Variants in RYK observed in about 807,000 individuals in gnomAD.
RYK encodes the protein inactive tyrosine-protein kinase RYK.
In RYK, 21 loss-of-function variants were observed where a neutral mutation model predicts 70.2. The ratio of observed to expected loss-of-function variants is 0.30; its 90% CI spans 0.21 to 0.43. The LOEUF (loss-of-function observed/expected upper bound fraction) is 0.43. Among genes scored for constraint, RYK ranks in the 20% least tolerant of loss-of-function variants. The pLI is 1.00. For synonymous variants in RYK, 267 were observed against 278.0 expected (o/e 0.96, Z 0.39); for missense variants, 604 against 753.3 (o/e 0.80, Z 2.32).
chr3:134,192,915 AG>A (rs922525215), intron 7 of RYK, among the ~76,000 whole-genome samples: 1 of 152,154 alleles, frequency 6.6e-6, no homozygotes, highest in African/African-American at 2.4e-5. Flanking sequence ...TTCTACCTGG[AG>A]TTCTCTTAGT....
intron 14 of RYK, 52 bp downstream of exon 14, chr3:134,159,185 C>A: frequency 6.3e-7 from 1 of 1,586,334 alleles, no homozygotes; most frequent in South Asian, 1.1e-5. Context: ...TTCCTTTATT[C>A]CAATATAGTA....
intron 8 of RYK, 47 bp downstream of exon 8, chr3:134,191,802 G>GT: frequency 6.7e-7 from 1 of 1,500,684 alleles, no homozygotes; most frequent in Non-Finnish European, 9.0e-7. Context: ...GTCTATAGTG[G>GT]TAACATTAAA....
chr3:134,250,304 C>A (rs1393297915), intron 1 of RYK, 119 bp downstream of exon 1: 4 of 436,512 alleles, frequency 9.2e-6, no homozygotes, highest in Non-Finnish European at 1.1e-5. Flanking sequence ...CGAATCCGGG[C>A]GCGGGGGGCG....
At chr3:134,182,686 T>C (rs918830619) in intron 10 of RYK, among the ~76,000 whole-genome samples, 49 of 152,354 alleles carry the variant, frequency 3.2e-4, no homozygotes, top group Non-Finnish European at 6.3e-4. Flanking sequence ...TTTTTTAACA[T>C]ATGTAAACCA....
chr3:134,221,196 C>CTTTTTTTTTTTTTTTTTTT (rs71139519), intron 2 of RYK, among the ~76,000 whole-genome samples: 1 of 78,562 alleles, frequency 1.3e-5, no homozygotes, highest in African/African-American at 5.6e-5. Flanking sequence ...AGTTCTTTTT[C>CTTTTTTTTTTTTTTTTTTT]TTTTTTTTTT....
chr3:134,202,957 G>T, intron 5 of RYK, 83 bp from the exon 6 acceptor site: 1 of 1,124,440 alleles, frequency 8.9e-7, no homozygotes, highest in Non-Finnish European at 1.3e-6. Flanking sequence ...TAAGTATTCT[G>T]TTCTTTTCAT....
intron 2 of RYK, among the ~76,000 whole-genome samples, chr3:134,221,196 CTTTTTTTT>C (rs71139519): frequency 3.2e-4 from 25 of 78,560 alleles, no homozygotes; most frequent in Admixed American, 2.7e-3. Context: ...AGTTCTTTTT[CTTTTTTTT>C]TTTTTTTTTT....
intron 10 of RYK, chr3:134,178,938 C>T (rs1310785636): frequency 2.0e-5 from 3 of 152,130 alleles, no homozygotes; most frequent in Non-Finnish European, 4.4e-5. Context: ...CCCAACACTT[C>T]GTAATCTATG....
intron 1 of RYK, among the ~76,000 whole-genome samples, chr3:134,242,423 G>A (rs1164087982): frequency 6.6e-6 from 1 of 152,086 alleles, no homozygotes. Context: ...ATACACACAC[G>A]TTTATTTTGG....
intron 14 of RYK, 126 bp from the exon 15 acceptor site, chr3:134,158,390 G>C (rs1279912928): frequency 1.9e-5 from 8 of 423,512 alleles, no homozygotes; most frequent in Non-Finnish European, 3.3e-5. Flanking sequence ...TATTAAAAAC[G>C]GATCCATTTT....
rs543361285 is a variant in RYK at position 134,221,107 on chromosome 3, A to G, written c.354+1311T>C. 8.6e-5 allele frequency among the ~76,000 whole-genome samples: 13 copies of G among 152,032 alleles called. No homozygotes were observed. The South Asian group carries it at 2.3e-3, about 27-fold the overall frequency. On this transcript the variant is annotated intron_variant, in intron 2 of 14. Transcript: ENST00000623711. ...CTAAAAATCCCTTTTTTGTTTAAAA[A>G]GGGAAAAAAGGGGACTTTGAAGAAG...
rs61441674 is a variant in RYK at position 134,216,792 on chromosome 3, CAAAAAAAAAAAAAAAAAAA to C, written c.355-5204_355-5186del. ...TGGGCGACAGAGTGAGACTCTGTCT[CAAAAAAAAAAAAAAAAAAA>C]AAAAAAAAAAGCTACTGACACTTAA... On this transcript the variant is annotated intron_variant, in intron 2 of 14. Coordinates refer to ENST00000623711, the MANE Select transcript of RYK (RefSeq NM_002958.4). Among the ~76,000 whole-genome samples, 12 of 37,428 alleles carry C rather than the reference CAAAAAAAAAAAAAAAAAAA, an allele frequency of 3.2e-4. No homozygotes were observed. In the East Asian group the frequency reaches 0.016, roughly 50 times the overall value. 24.6% of individuals were successfully genotyped at this position (37,428 alleles called of 152,430 possible).
At chr3:134,186,767 A>G (rs1468304222) in intron 9 of RYK, among the ~76,000 whole-genome samples, 1 of 152,148 alleles carries the variant, frequency 6.6e-6, no homozygotes, top group Non-Finnish European at 1.5e-5. Context: ...ACCCTAAATC[A>G]ACCCAATTTT....
intron 11 of RYK, among the ~76,000 whole-genome samples, chr3:134,176,688 G>A (rs1432071479): frequency 6.6e-6 from 1 of 152,138 alleles, no homozygotes; most frequent in Non-Finnish European, 1.5e-5. Flanking sequence ...TGAGGCTGCA[G>A]TGAGCTGTGA....
At chr3:134,184,658 A>AG (rs1273675036) in intron 9 of RYK, among the ~76,000 whole-genome samples, 1 of 151,894 alleles carries the variant, frequency 6.6e-6, no homozygotes, top group African/African-American at 2.4e-5. Context: ...CCAGCCACTG[A>AG]GGGGGTTGAG....
chr3:134,232,902 G>C (rs2015099145), intron 1 of RYK, among the ~76,000 whole-genome samples: 1 of 152,196 alleles, frequency 6.6e-6, no homozygotes, highest in African/African-American at 2.4e-5. Context: ...GAAAGAAAAA[G>C]ATCCTCATTT....
chr3:134,201,477 A>G (rs1025571614), intron 6 of RYK, among the ~76,000 whole-genome samples: 3 of 152,210 alleles, frequency 2.0e-5, no homozygotes, highest in African/African-American at 7.2e-5. Flanking sequence ...AAGGTAAGAC[A>G]ATTACACAAA....
chr3:134,171,879 A>G (rs922108587), intron 13 of RYK, among the ~76,000 whole-genome samples: 1 of 152,118 alleles, frequency 6.6e-6, no homozygotes, highest in Non-Finnish European at 1.5e-5. Flanking sequence ...AAAAAAAGTA[A>G]TACATATTTT....
At chr3:134,186,554 C>T (rs2013468192) in intron 9 of RYK, among the ~76,000 whole-genome samples, 1 of 152,228 alleles carries the variant, frequency 6.6e-6, no homozygotes, top group Non-Finnish European at 1.5e-5. Flanking sequence ...CACTTCCCCT[C>T]TGTCCCCCAT....
Sources: allele counts gnomAD v4.1 joint callset (sites outside exome capture counted in the v4.1 genomes callset), GRCh38; gene constraint gnomAD v4.1.1; transcripts MANE v1.5; gene names NCBI Gene and HGNC (gene_info 2026-07-23, HGNC 2026-07-21).